RHOA: variants seen among roughly 807,000 people sequenced by gnomAD.
RHOA encodes transforming protein RhoA.
RHOA carries 3 observed loss-of-function variants against 17.5 expected under a neutral mutation model. The observed-to-expected ratio is 0.17, with a 90% CI of 0.08 to 0.44. The LOEUF is 0.44. RHOA is among the 20% of genes least tolerant of loss of function. The pLI, the probability that RHOA is intolerant of heterozygous loss-of-function variation, is 0.99. For missense variants in RHOA, 56 were observed against 242.3 expected (o/e 0.23, Z 5.10); for synonymous variants, 98 against 88.4 (o/e 1.11, Z -0.61).
intron 3 of RHOA, among the ~76,000 whole-genome samples, chr3:49,365,588 CTTTT>C (rs62741361): frequency 5.6e-5 from 7 of 124,964 alleles, no homozygotes; most frequent in Admixed American, 8.8e-5. Context: ...AATTTTCAAA[CTTTT>C]TTTTTTTTTT....
At chr3:49,383,862 T>C (rs1275050020) in intron 1 of RHOA, among the ~76,000 whole-genome samples, 5 of 152,030 alleles carry the variant, frequency 3.3e-5, no homozygotes, top group African/African-American at 9.7e-5. Flanking sequence ...AAACCCCGTC[T>C]CTACTGAAAA....
rs1040400468 is a variant in RHOA at position 49,359,855 on chromosome 3, A to T, written c.*354T>A. The stretch of plus-strand genomic sequence containing the variant: ...GAGTACCTTGCAGCTGACAGATAAT[A>T]GGCAGGACATGTTAGTTATAAAGTA... On this transcript the variant is annotated 3_prime_UTR_variant, in exon 5 of 5. Transcript: ENST00000418115. 3.1e-4 allele frequency: 82 copies of T among 267,584 alleles called. 1 individual carries two copies. Among genetic ancestry groups the T allele is most frequent in the African/African-American group, 4.3e-5 (2 of 46,006 alleles). 16.6% of individuals were successfully genotyped at this position (267,584 alleles called of 1,614,324 possible).
intron 3 of RHOA, among the ~76,000 whole-genome samples, 187 bp downstream of exon 3, chr3:49,368,241 C>T (rs1159929022): frequency 6.6e-6 from 1 of 152,094 alleles, no homozygotes; most frequent in Non-Finnish European, 1.5e-5. Context: ...ATACAGTACC[C>T]ATGGGAGACC....
intron 1 of RHOA, among the ~76,000 whole-genome samples, chr3:49,397,104 TG>T (rs1460657956): frequency 7.3e-6 from 1 of 136,420 alleles, no homozygotes; most frequent in African/African-American, 2.8e-5. Flanking sequence ...CACTCCAGCC[TG>T]GGTGACAGAG....
chr3:49,403,423 T>G (rs1012338764), intron 1 of RHOA, among the ~76,000 whole-genome samples: 1 of 152,114 alleles, frequency 6.6e-6, no homozygotes, highest in African/African-American at 2.4e-5. Context: ...TCATCAAAAT[T>G]TATCAAACTG....
intron 2 of RHOA, among the ~76,000 whole-genome samples, chr3:49,372,788 G>A (rs1055198389): frequency 6.6e-6 from 1 of 151,414 alleles, no homozygotes; most frequent in African/African-American, 2.4e-5. Flanking sequence ...TTTGAACATG[G>A]CAGTATTCAT....
chr3:49,392,309 A>T (rs1300636961), intron 1 of RHOA, among the ~76,000 whole-genome samples: 1 of 151,992 alleles, frequency 6.6e-6, no homozygotes, highest in African/African-American at 2.4e-5. Context: ...GAGTGTCTGT[A>T]ATCCCAGCTA....
intron 1 of RHOA, among the ~76,000 whole-genome samples, chr3:49,406,030 T>C (rs1484477174): frequency 1.3e-5 from 2 of 152,174 alleles, no homozygotes; most frequent in African/African-American, 4.8e-5. Context: ...TAAACAGAGC[T>C]TCATTATGAA....
intron 2 of RHOA, among the ~76,000 whole-genome samples, chr3:49,374,307 G>C (rs1048435481): frequency 1.3e-5 from 2 of 152,172 alleles, no homozygotes; most frequent in South Asian, 4.1e-4. Context: ...ATCTAATACT[G>C]GGACATCTGA....
intron 1 of RHOA, 148 bp downstream of exon 1, chr3:49,411,672 T>C (rs1004903505): frequency 6.6e-6 from 1 of 150,928 alleles, no homozygotes; most frequent in African/African-American, 2.4e-5. Flanking sequence ...GGGCTGGGAG[T>C]CAGGTCAAGG....
chr3:49,399,648 T>C (rs984251147), intron 1 of RHOA, among the ~76,000 whole-genome samples: 3 of 149,386 alleles, frequency 2.0e-5, no homozygotes, highest in African/African-American at 7.4e-5. Context: ...TGCAGTGGAG[T>C]GATCATGACT....
chr3:49,398,839 CAAAAAAAAAAAAAAAAA>C (rs71080506), intron 1 of RHOA, among the ~76,000 whole-genome samples: 9 of 35,652 alleles, frequency 2.5e-4, no homozygotes, highest in Admixed American at 1.2e-3. Context: ...GACTCCGTCT[CAAAAAAAAAAAAAAAAA>C]AAAAAAAAAA....
intron 1 of RHOA, among the ~76,000 whole-genome samples, chr3:49,396,226 G>C (rs780367255): frequency 1.8e-4 from 27 of 152,216 alleles, no homozygotes; most frequent in Non-Finnish European, 3.8e-4. Flanking sequence ...GTAGATGGCA[G>C]TGAATTGAGA....
chr3:49,406,265 G>A (rs1213894081), intron 1 of RHOA, among the ~76,000 whole-genome samples: 3 of 152,028 alleles, frequency 2.0e-5, no homozygotes, highest in Non-Finnish European at 4.4e-5. Context: ...CCCAGTAGTA[G>A]AGCATATGAT....
intron 1 of RHOA, among the ~76,000 whole-genome samples, chr3:49,381,233 C>A (rs553632970): frequency 1.3e-5 from 2 of 151,424 alleles, no homozygotes; most frequent in African/African-American, 2.4e-5. Context: ...TGTGAAACCC[C>A]GTCTCTACAA....
intron 1 of RHOA, among the ~76,000 whole-genome samples, chr3:49,400,008 C>T (rs1054719699): frequency 6.6e-6 from 1 of 151,644 alleles, no homozygotes; most frequent in Non-Finnish European, 1.5e-5. Context: ...ATCAGGAGTT[C>T]GAGACCAGCC....
chr3:49,383,003 G>A (rs1417895516), intron 1 of RHOA, among the ~76,000 whole-genome samples: 1 of 151,568 alleles, frequency 6.6e-6, no homozygotes, highest in Non-Finnish European at 1.5e-5. Context: ...GCAGTGAGCC[G>A]AGTTAGCGCC....
At chr3:49,411,050 T>C (rs970192045) in intron 1 of RHOA, among the ~76,000 whole-genome samples, 5 of 152,200 alleles carry the variant, frequency 3.3e-5, no homozygotes, top group Non-Finnish European at 5.9e-5. Context: ...GGTACAGATA[T>C]TTAGATCATT....
At chr3:49,397,747 C>T (rs567691224) in intron 1 of RHOA, among the ~76,000 whole-genome samples, 5 of 152,018 alleles carry the variant, frequency 3.3e-5, no homozygotes, top group African/African-American at 7.3e-5. Context: ...AACGAGATTT[C>T]GCTTGCAAGT....
Sources: allele counts gnomAD v4.1 joint callset (sites outside exome capture counted in the v4.1 genomes callset), GRCh38; gene constraint gnomAD v4.1.1; transcripts MANE v1.5; gene names NCBI Gene and HGNC (gene_info 2026-07-23, HGNC 2026-07-21).